The following FLNB variants were observed in gnomAD, a reference collection of about 807,000 sequenced individuals.
The protein encoded by FLNB is filamin B, also known as filamin-B.
In FLNB, 111 loss-of-function variants were observed where a neutral mutation model predicts 250.6. The ratio of observed to expected loss-of-function variants is 0.44; its 90% CI spans 0.38 to 0.52. FLNB has a LOEUF of 0.52. Ranked by LOEUF, FLNB falls within the 20% of genes least tolerant of loss-of-function variation. The pLI is 0.00. For missense variants in FLNB, 2,869 were observed against 3,447.8 expected, an observed-to-expected ratio of 0.83 and a Z score of 4.20; for synonymous variants, 1,302 against 1,372.1, an observed-to-expected ratio of 0.95 and a Z score of 1.13.
chr3:58,144,363 A>G (rs1415740110), intron 32 of FLNB, among the ~76,000 whole-genome samples: 1 of 152,108 alleles, frequency 6.6e-6, no homozygotes, highest in Non-Finnish European at 1.5e-5. Flanking sequence ...AAGTGTTGGG[A>G]TAACAGGCAT....
intron 5 of FLNB, among the ~76,000 whole-genome samples, chr3:58,095,774 T>G (rs1286666108): frequency 6.6e-6 from 1 of 152,226 alleles, no homozygotes; most frequent in Non-Finnish European, 1.5e-5. Flanking sequence ...GGGGCAGGGA[T>G]TGTATCTGAC....
chr3:58,123,021 C>A, intron 20 of FLNB, 72 bp from the exon 21 acceptor site: 1 of 1,340,716 alleles, frequency 7.5e-7, no homozygotes, highest in Non-Finnish European at 1.1e-6. Context: ...TGATTATATG[C>A]ATGGGTGTTG....
chr3:58,135,330 T>C, intron 27 of FLNB, among the ~76,000 whole-genome samples: 1 of 152,214 alleles, frequency 6.6e-6, no homozygotes, highest in East Asian at 1.9e-4. Flanking sequence ...ACCAAGGAAG[T>C]CAGCTCCATC....
At chr3:58,116,398 G>A (rs538024905) in intron 18 of FLNB, among the ~76,000 whole-genome samples, 8 of 152,294 alleles carry the variant, frequency 5.3e-5, no homozygotes, top group African/African-American at 9.6e-5. Context: ...TGGTGTGGGC[G>A]CTTCCCCCTC....
At chr3:58,027,622 C>T (rs746779522) in intron 1 of FLNB, among the ~76,000 whole-genome samples, 9 of 152,212 alleles carry the variant, frequency 5.9e-5, no homozygotes, top group Admixed American at 1.3e-4. Flanking sequence ...TCTACCATCA[C>T]TGGGGCCCTC....
At chr3:58,020,672 T>C (rs530038835) in intron 1 of FLNB, among the ~76,000 whole-genome samples, 1 of 150,856 alleles carries the variant, frequency 6.6e-6, no homozygotes, top group East Asian at 1.9e-4. Context: ...TTCATAAGGC[T>C]GTCAGCCTTT....
intron 1 of FLNB, among the ~76,000 whole-genome samples, chr3:58,010,590 C>T: frequency 6.6e-6 from 1 of 152,158 alleles, no homozygotes; most frequent in Admixed American, 6.5e-5. Context: ...AGAAACCAGC[C>T]TCCCCTCTGA....
Position 58,132,874 on chromosome 3 carries a change from C to A in FLNB, c.4457C>A (p.Ser1486Tyr). ...DGTHTVTYTP[S>Y]QEGPYMVSVK... is the part of the protein sequence containing the mutation. ...ACACACACAGTAACCTACACCCCAT[C>A]TCAGGAGGGACCTTACATGGTCTCA... is the stretch of plus-strand genomic sequence containing the variant. Residue 1486 changes from serine (S) to tyrosine (Y), a missense_variant, in exon 26 of 46, where the codon TCT (serine) becomes TAT (tyrosine). Physicochemically the swap from Ser to Tyr is moderately radical, Grantham distance 144 (BLOSUM62 -2). Around this residue, in one of 5 missense-constraint regions of FLNB, gnomAD observed 126 missense variants for 182.0 expected, o/e 0.69. Coordinates refer to ENST00000295956, the MANE Select transcript of FLNB (RefSeq NM_001457.4). 6.2e-7 allele frequency: 1 copy of A among 1,614,140 alleles called. No individual in the cohort carries two copies.
chr3:58,039,456 T>A (rs948499237), intron 1 of FLNB, among the ~76,000 whole-genome samples: 1 of 152,188 alleles, frequency 6.6e-6, no homozygotes, highest in African/African-American at 2.4e-5. Context: ...ATGGGAAAAC[T>A]GATGCCCAGA....
At chr3:58,062,871 A>G (rs986429100) in intron 1 of FLNB, among the ~76,000 whole-genome samples, 9 of 152,172 alleles carry the variant, frequency 5.9e-5, no homozygotes, top group Admixed American at 4.6e-4. Flanking sequence ...CCTTTTCACA[A>G]TGCCAACGGG....
chr3:58,085,324 T>C (rs1286941956), intron 4 of FLNB, among the ~76,000 whole-genome samples: 3 of 152,186 alleles, frequency 2.0e-5, no homozygotes, highest in Non-Finnish European at 4.4e-5. Flanking sequence ...CAAGGCCACA[T>C]GGGTGGGGCT....
At position 58,124,341 on chromosome 3, in the gene FLNB, G is replaced by C. The variant is rs776611311; in HGVS notation, c.3734G>C (p.Arg1245Pro). 2 of 1,614,070 alleles carry C rather than the reference G, an allele frequency of 1.2e-6. No individual in the cohort carries two copies. The highest frequency in any genetic ancestry group is 8.5e-7 in the Non-Finnish European group (1 of 1,180,008). The change falls in exon 22 of 46, where the codon CGG becomes CCG. Residue 1245 changes from arginine to proline, a missense_variant. Transcript: ENST00000295956. ...TGTGCTTGCTCTGCAGATGTGTTCC[G>C]GGAAGCTACCACCGACTTTACAGTT... ...GPGIEGKDVF[R>P]EATTDFTVDS... is the part of the protein sequence containing the mutation.
chr3:58,077,784 G>A (rs984091709), intron 2 of FLNB, among the ~76,000 whole-genome samples: 2 of 152,066 alleles, frequency 1.3e-5, no homozygotes, highest in African/African-American at 4.8e-5. Context: ...ATAGCATTTG[G>A]TCAGGATCCA....
In FLNB at chr3:58,089,118, AG is replaced by A. The variant is rs199779494; in HGVS notation, c.788-5717del. On this transcript the variant is annotated intron_variant, in intron 4 of 45. Transcript: ENST00000295956. ...CAAATATCCAGTTTCAAAAAAAAAAAGAAATCACTTGTCATACCAAGAACCA... is the reference window on the plus strand; with the variant it reads ...CAAATATCCAGTTTCAAAAAAAAAAAAAATCACTTGTCATACCAAGAACCA... Among the ~76,000 whole-genome samples, 1,087 of 151,510 alleles carry A rather than the reference AG, an allele frequency of 7.2e-3. 15 individuals carry two copies. Among genetic ancestry groups the A allele is most frequent in the African/African-American group, 0.024 (973 of 41,362 alleles).
At chr3:58,068,576 G>T (rs537519277) in intron 1 of FLNB, among the ~76,000 whole-genome samples, 2 of 152,090 alleles carry the variant, frequency 1.3e-5, no homozygotes, top group African/African-American at 2.4e-5. Context: ...GGTTCAGAAT[G>T]CCCTTTTGTT....
intron 1 of FLNB, among the ~76,000 whole-genome samples, chr3:58,031,743 C>G (rs1298081108): frequency 6.6e-6 from 1 of 150,546 alleles, no homozygotes; most frequent in Non-Finnish European, 1.5e-5. Flanking sequence ...AAGGTTTTGC[C>G]ATGTTGCCCA....
chr3:58,079,797 TC>T (rs1219473956), intron 3 of FLNB, among the ~76,000 whole-genome samples: 2 of 152,204 alleles, frequency 1.3e-5, no homozygotes, highest in Non-Finnish European at 2.9e-5. Flanking sequence ...GAGTCCCGTG[TC>T]CAAAGGCTAG....
At chr3:58,111,977 A>C in intron 17 of FLNB, 96 bp downstream of exon 17, 1 of 1,196,150 alleles carries the variant, frequency 8.4e-7, no homozygotes, top group South Asian at 1.2e-5. Flanking sequence ...ATCTCCACCA[A>C]CACCAACACC....
At chr3:58,131,816 T>C in intron 25 of FLNB, 1 of 727,648 alleles carries the variant, frequency 1.4e-6, no homozygotes, top group Non-Finnish European at 2.4e-6. Context: ...TGCATGTATG[T>C]GTCCCTGTGT....
Sources: gnomAD v4.1 joint callset for allele counts (sites outside exome capture counted in the v4.1 genomes callset) on GRCh38, gnomAD v4.1.1 for gene constraint, gnomAD v4.1.1 regional missense constraint, MANE v1.5 for transcripts, NCBI Gene and HGNC (gene_info 2026-07-23, HGNC 2026-07-21) for gene names.